CADPS: variants seen among roughly 807,000 people sequenced by gnomAD.
CADPS encodes calcium dependent secretion activator.
In CADPS, 57 loss-of-function variants were observed where a neutral mutation model predicts 167.3. That is an observed-to-expected ratio of 0.34 (90% CI 0.28 to 0.42). The LOEUF (loss-of-function observed/expected upper bound fraction) is 0.42, where lower values mean the gene tolerates loss of function less well. Ranked by LOEUF, CADPS falls within the 20% of genes least tolerant of loss-of-function variation. The pLI, the probability that CADPS is intolerant of heterozygous loss-of-function variation, is 1.00. For synonymous variants in CADPS, 676 were observed against 635.3 expected (o/e 1.06, Z -0.96); for missense variants, 1,414 against 1,738.1 (o/e 0.81, Z 3.32).
At chr3:62,440,656 T>G (rs2056142313) in intron 27 of CADPS, 1 of 152,178 alleles carries the variant, frequency 6.6e-6, no homozygotes, top group African/African-American at 2.4e-5. Context: ...AATGGAGTCC[T>G]CAAGCTCCCA....
chr3:62,578,609 C>CAAAAAAA (rs371060540), intron 8 of CADPS, among the ~76,000 whole-genome samples: 7 of 66,974 alleles, frequency 1.0e-4, no homozygotes, highest in Admixed American at 1.7e-4. Flanking sequence ...GACTCCGTCT[C>CAAAAAAA]AAAAAAATAA....
chr3:62,776,463 GC>G (rs2090332385), intron 1 of CADPS, among the ~76,000 whole-genome samples: 1 of 152,144 alleles, frequency 6.6e-6, no homozygotes, highest in South Asian at 2.1e-4. Flanking sequence ...GACCATCCTG[GC>G]TAACACGGTG....
At chr3:62,806,945 A>C (rs1351140278) in intron 1 of CADPS, among the ~76,000 whole-genome samples, 1 of 152,040 alleles carries the variant, frequency 6.6e-6, no homozygotes, top group Non-Finnish European at 1.5e-5. Context: ...TAGTCTTGGG[A>C]CAGTGAAGGC....
intron 1 of CADPS, among the ~76,000 whole-genome samples, chr3:62,833,955 G>C (rs1189086245): frequency 6.6e-6 from 1 of 152,108 alleles, no homozygotes; most frequent in Non-Finnish European, 1.5e-5. Flanking sequence ...ATAACACACA[G>C]AAAAAGGGGC....
chr3:62,834,093 C>G (rs556775714), intron 1 of CADPS, among the ~76,000 whole-genome samples: 1 of 152,136 alleles, frequency 6.6e-6, no homozygotes, highest in East Asian at 1.9e-4. Flanking sequence ...GAAAATCATG[C>G]GTATCAGTAA....
intron 1 of CADPS, among the ~76,000 whole-genome samples, chr3:62,791,476 A>G (rs1263525695): frequency 6.6e-6 from 1 of 152,218 alleles, no homozygotes; most frequent in Admixed American, 6.5e-5. Flanking sequence ...AGAAATGCAG[A>G]ATCTCATTCC....
At position 62,485,772 on chromosome 3, in the gene CADPS, G is replaced by A. The variant is rs185543234; in HGVS notation, c.3027-3903C>T. 3.3e-3 allele frequency among the ~76,000 whole-genome samples: 504 copies of A among 152,278 alleles called. 7 individuals carry two copies. The highest frequency in any genetic ancestry group is 0.011 in the African/African-American group (469 of 41,554). On this transcript the variant is annotated intron_variant, in intron 21 of 29. Transcript: ENST00000383710. ...CTGTTATAGGTGTTAGGGAGGCAGC[G>A]ATGATCAAATGTGTATATGTGTCTG...
At chr3:62,832,162 T>G (rs1343562104) in intron 1 of CADPS, among the ~76,000 whole-genome samples, 1 of 152,180 alleles carries the variant, frequency 6.6e-6, no homozygotes, top group African/African-American at 2.4e-5. Context: ...TAATTCTGAA[T>G]GGGTTTGTCA....
Position 62,536,438 on chromosome 3 carries a change from T to C in CADPS, c.2103+7A>G. ...TTAAATTGCTGTAGACCAAAGAATA[T>C]ACTTGCCAGGCAAGAATAGGAATCA... On this transcript the variant is annotated splice_region_variant and intron_variant, in intron 12 of 29. Transcript: ENST00000383710. 5 of 1,611,932 alleles carry C rather than the reference T, an allele frequency of 3.1e-6. No individual in the cohort carries two copies. The highest frequency in any genetic ancestry group is 4.2e-6 in the Non-Finnish European group (5 of 1,178,540).
chr3:62,567,562 T>A (rs1359451684), intron 9 of CADPS, among the ~76,000 whole-genome samples: 4 of 119,612 alleles, frequency 3.3e-5, no homozygotes, highest in Non-Finnish European at 6.6e-5. Flanking sequence ...GACTAAGCAC[T>A]GCTTTTTTTT....
At chr3:62,423,418 T>C in intron 28 of CADPS, among the ~76,000 whole-genome samples, 1 of 152,194 alleles carries the variant, frequency 6.6e-6, no homozygotes, top group East Asian at 1.9e-4. Flanking sequence ...CCTGCGGTGA[T>C]CCATGAGGGA....
intron 1 of CADPS, among the ~76,000 whole-genome samples, chr3:62,862,342 G>T (rs1007242177): frequency 3.3e-5 from 5 of 150,400 alleles, no homozygotes; most frequent in Non-Finnish European, 7.4e-5. Flanking sequence ...TCAACTTCCC[G>T]AGTAGCTGGG....
intron 3 of CADPS, among the ~76,000 whole-genome samples, chr3:62,706,007 T>G (rs34338232): frequency 0.079 from 12,088 of 152,176 alleles, 632 homozygotes; most frequent in Non-Finnish European, 0.12. Context: ...AGGCCCTGCT[T>G]TGTGGCTCCT....
chr3:62,693,752 T>C (rs2079678635), intron 3 of CADPS, among the ~76,000 whole-genome samples: 1 of 148,102 alleles, frequency 6.8e-6, no homozygotes, highest in South Asian at 2.1e-4. Flanking sequence ...ATCACTGCAC[T>C]ACAGCCTGGG....
intron 6 of CADPS, among the ~76,000 whole-genome samples, chr3:62,644,366 A>T (rs1183330562): frequency 6.6e-6 from 1 of 152,154 alleles, no homozygotes; most frequent in African/African-American, 2.4e-5. Context: ...GAGGGAAGGG[A>T]GCAATGATCT....
chr3:62,611,580 T>A (rs936625864), intron 6 of CADPS, among the ~76,000 whole-genome samples: 11 of 152,260 alleles, frequency 7.2e-5, no homozygotes, highest in African/African-American at 2.7e-4. Flanking sequence ...CACCATGGCC[T>A]ACAAGGCCTT....
At chr3:62,488,495 T>TATTTATTA (rs988431423) in intron 21 of CADPS, among the ~76,000 whole-genome samples, 3 of 151,078 alleles carry the variant, frequency 2.0e-5, no homozygotes, top group African/African-American at 7.3e-5. Context: ...TTTATTTATT[T>TATTTATTA]ATTATTATTA....
chr3:62,645,372 C>A (rs1477216859), intron 6 of CADPS, among the ~76,000 whole-genome samples: 1 of 152,090 alleles, frequency 6.6e-6, no homozygotes, highest in Non-Finnish European at 1.5e-5. Flanking sequence ...ATGTCTTATA[C>A]TGAAAACCAA....
chr3:62,551,400 C>T (rs1452290571), intron 10 of CADPS, among the ~76,000 whole-genome samples: 11 of 152,300 alleles, frequency 7.2e-5, no homozygotes, highest in East Asian at 5.8e-4. Flanking sequence ...TCTCCAGTTG[C>T]GGCCATCATA....
Sources: gnomAD v4.1 joint callset for allele counts (sites outside exome capture counted in the v4.1 genomes callset) on GRCh38, gnomAD v4.1.1 for gene constraint, MANE v1.5 for transcripts, NCBI Gene and HGNC (gene_info 2026-07-23, HGNC 2026-07-21) for gene names.